The following MIS18BP1 variants were observed in gnomAD, a reference collection of about 807,000 sequenced individuals.
The protein encoded by MIS18BP1 is mis18-binding protein 1.
In MIS18BP1, 72 loss-of-function variants were observed where a neutral mutation model predicts 116.1. The observed-to-expected ratio is 0.62, with a 90% CI of 0.51 to 0.75. MIS18BP1 has a LOEUF of 0.75. MIS18BP1 is among the 30% of genes least tolerant of loss of function. The pLI is 0.00. For missense variants in MIS18BP1, 1,363 were observed against 1,303.2 expected (o/e 1.05, Z -0.71); for synonymous variants, 386 against 427.0 (o/e 0.90, Z 1.18).
At chr14:45,241,774 T>C (rs1480843397) in intron 4 of MIS18BP1, 4 of 300,216 alleles carry the variant, frequency 1.3e-5, no homozygotes, top group African/African-American at 4.4e-5. Flanking sequence ...AAGTAAATTA[T>C]TGAAGACTAC....
intron 15 of MIS18BP1, 76 bp downstream of exon 15, chr14:45,206,007 T>C (rs1890505362): frequency 4.3e-6 from 4 of 936,228 alleles, no homozygotes; most frequent in African/African-American, 1.7e-5. Context: ...GACTGTTACA[T>C]GACTTACAAC....
At chr14:45,210,123 A>T (rs929252564) in intron 14 of MIS18BP1, 267 of 240,266 alleles carry the variant, frequency 1.1e-3, no homozygotes, top group Non-Finnish European at 1.5e-3. Flanking sequence ...TTTTTTTTTT[A>T]AAGTTTTTTA....
At chr14:45,229,793 A>G (rs1241022482) in intron 8 of MIS18BP1, among the ~76,000 whole-genome samples, 1 of 152,216 alleles carries the variant, frequency 6.6e-6, no homozygotes, top group Non-Finnish European at 1.5e-5. Context: ...AGTAGAGAGC[A>G]GGTGCCGAAG....
chr14:45,250,883 A>AAAAATTAGCCGGGCGTGGTGACACGCGCC (rs1387228041), intron 1 of MIS18BP1, among the ~76,000 whole-genome samples: 8 of 152,166 alleles, frequency 5.3e-5, no homozygotes, highest in African/African-American at 1.9e-4. Flanking sequence ...TAAAAATACA[A>AAAAATTAGCCGGGCGTGGTGACACGCGCC]AAAATTAGCC....
intron 2 of MIS18BP1, among the ~76,000 whole-genome samples, chr14:45,243,186 T>A (rs1225872188): frequency 5.9e-5 from 9 of 152,198 alleles, no homozygotes; most frequent in Admixed American, 5.9e-4. Context: ...ATTCTGGTGC[T>A]GCCACAAATT....
Position 45,204,457 on chromosome 14 carries a change from T to A in MIS18BP1, c.3241-4A>T, listed in dbSNP as rs77892698. 1.1e-3 allele frequency: 1,680 copies of A among 1,589,080 alleles called. 16 individuals carry two copies. The African/African-American group carries it at 0.019, about 18-fold the overall frequency. On this transcript the variant is annotated splice_polypyrimidine_tract_variant and splice_region_variant and intron_variant, in intron 15 of 16. Coordinates refer to ENST00000310806, the MANE Select transcript of MIS18BP1 (RefSeq NM_018353.5). ...GAGTTGAGAAATCAGTTTCAACCTA[T>A]AAAAGAGTTACTATTAATAGCTAAA...
At chr14:45,240,398 T>C (rs1000346106) in intron 4 of MIS18BP1, among the ~76,000 whole-genome samples, 1 of 152,088 alleles carries the variant, frequency 6.6e-6, no homozygotes, top group Non-Finnish European at 1.5e-5. Context: ...CCTGTAATCA[T>C]TTCCTTTTAC....
At chr14:45,250,392 T>A (rs373582475) in intron 1 of MIS18BP1, among the ~76,000 whole-genome samples, 3 of 152,322 alleles carry the variant, frequency 2.0e-5, no homozygotes, top group Middle Eastern at 3.4e-3. Flanking sequence ...AAGCTCCATT[T>A]CCTTCCTAGT....
At chr14:45,204,815 T>C (rs1455255047) in intron 15 of MIS18BP1, among the ~76,000 whole-genome samples, 1 of 152,042 alleles carries the variant, frequency 6.6e-6, no homozygotes, top group Non-Finnish European at 1.5e-5. Context: ...ACACAATTTA[T>C]CATGATTATA....
chr14:45,229,480 G>C (rs1891216940), intron 8 of MIS18BP1, among the ~76,000 whole-genome samples: 1 of 151,372 alleles, frequency 6.6e-6, no homozygotes, highest in Admixed American at 6.6e-5. Flanking sequence ...TTCCAGCCTG[G>C]GAGACAGAGC....
At chr14:45,215,520 C>A (rs1890792856) in intron 13 of MIS18BP1, among the ~76,000 whole-genome samples, 2 of 151,674 alleles carry the variant, frequency 1.3e-5, no homozygotes, top group Non-Finnish European at 2.9e-5. Context: ...TCAAGTGATT[C>A]TCCTGCCTCA....
intron 11 of MIS18BP1, 107 bp downstream of exon 11, chr14:45,223,810 CT>C (rs571070164): frequency 1.7e-4 from 134 of 791,216 alleles, no homozygotes; most frequent in African/African-American, 8.5e-4. Context: ...TAATTTCTCC[CT>C]TTTTTTTAAT....
At chr14:45,226,901 T>C in intron 9 of MIS18BP1, 65 bp from the exon 10 acceptor site, 4 of 1,197,250 alleles carry the variant, frequency 3.3e-6, no homozygotes, top group Non-Finnish European at 4.3e-6. Flanking sequence ...TCTGAAGCAT[T>C]TTCATAGTAT....
chr14:45,231,150 C>G lies in MIS18BP1; in HGVS notation c.1585G>C (p.Asp529His), dbSNP rs371488803. ...TAAAGACAAAACATACCCAAATTAT[C>G]ACAATCAAAATCGTAAGTGGTGGTG... Reference protein sequence around the residue: ...RATTTYDFDCDNLELKSNKHS... With the variant: ...RATTTYDFDCHNLELKSNKHS... Residue 529 changes from aspartate (D) to histidine (H), a missense_variant, in exon 8 of 17, where the codon GAT (aspartate) becomes CAT (histidine). Asp to His is a moderately conservative substitution (Grantham distance 81). Coordinates refer to ENST00000310806, the MANE Select transcript of MIS18BP1 (RefSeq NM_018353.5). The G allele has an allele frequency of 2.5e-6, 4 of 1,610,276 alleles. No homozygotes were observed. Among genetic ancestry groups the G allele is most frequent in the Non-Finnish European group, 3.4e-6 (4 of 1,179,016 alleles).
chr14:45,246,613 AAT>A (rs1212145677), intron 2 of MIS18BP1, 128 bp downstream of exon 2: 1 of 659,244 alleles, frequency 1.5e-6, no homozygotes, highest in Non-Finnish European at 2.3e-6. Flanking sequence ...CCACCATGTG[AAT>A]ATGAGCTACA....
Position 45,253,091 on chromosome 14 carries a change from G to C in MIS18BP1, c.-148C>G, listed in dbSNP as rs1891926324. On this transcript the variant is annotated 5_prime_UTR_variant, in exon 1 of 17. Transcript: ENST00000310806. Reference sequence around the variant, plus strand: ...CCGCAGTTCCGGCTCGGCTCCGCGCGGAGAGAGGGCCGCACGCCGCCGGGC... The same window carrying C: ...CCGCAGTTCCGGCTCGGCTCCGCGCCGAGAGAGGGCCGCACGCCGCCGGGC... 1 of 152,370 alleles carries C rather than the reference G, an allele frequency of 6.6e-6. No homozygotes were observed. The highest frequency in any genetic ancestry group is 2.1e-4 in the South Asian group (1 of 4,834). 9.4% of individuals were successfully genotyped at this position (152,370 alleles called of 1,614,324 possible).
intron 14 of MIS18BP1, among the ~76,000 whole-genome samples, chr14:45,209,311 A>G (rs1167024775): frequency 6.6e-6 from 1 of 151,978 alleles, no homozygotes; most frequent in Non-Finnish European, 1.5e-5. Context: ...CATAATAGCA[A>G]TAAAAAATAT....
At position 45,245,755 on chromosome 14, in the gene MIS18BP1, T is replaced by C. The variant is rs1444948375; in HGVS notation, c.544+988A>G. On this transcript the variant is annotated intron_variant, in intron 2 of 16. Coordinates refer to ENST00000310806, the MANE Select transcript of MIS18BP1 (RefSeq NM_018353.5). Reference sequence around the variant, plus strand: ...TTCTCTTTCTACACTTACTCCTTGATGACCTCATCTAATCTCATTGCTTTT... The same window carrying C: ...TTCTCTTTCTACACTTACTCCTTGACGACCTCATCTAATCTCATTGCTTTT... 1.2e-4 allele frequency among the ~76,000 whole-genome samples: 19 copies of C among 152,356 alleles called. 1 individual carries two copies. The East Asian group carries it at 3.7e-3, about 29-fold the overall frequency.
At chr14:45,214,264 ATGTT>A (rs1890754391) in intron 13 of MIS18BP1, among the ~76,000 whole-genome samples, 1 of 152,184 alleles carries the variant, frequency 6.6e-6, no homozygotes, top group Non-Finnish European at 1.5e-5. Context: ...ACCCGACTGT[ATGTT>A]CTATTTACTG....
Sources: allele counts gnomAD v4.1 joint callset (sites outside exome capture counted in the v4.1 genomes callset), GRCh38; gene constraint gnomAD v4.1.1; transcripts MANE v1.5; gene names NCBI Gene and HGNC (gene_info 2026-07-23, HGNC 2026-07-21).